ADCY2: variants seen among roughly 807,000 people sequenced by gnomAD.
ADCY2 encodes adenylate cyclase 2.
ADCY2 carries 31 observed loss-of-function variants against 125.2 expected under a neutral mutation model. The ratio of observed to expected loss-of-function variants is 0.25; its 90% CI spans 0.19 to 0.33. The LOEUF (loss-of-function observed/expected upper bound fraction) is 0.33, where lower values mean the gene tolerates loss of function less well. Among genes scored for constraint, ADCY2 ranks in the 10% least tolerant of loss-of-function variants. The pLI, the probability that ADCY2 is intolerant of heterozygous loss-of-function variation, is 1.00. For synonymous variants in ADCY2, 512 were observed against 548.4 expected (o/e 0.93, Z 0.93); for missense variants, 904 against 1,418.2 (o/e 0.64, Z 5.82).
intron 14 of ADCY2, among the ~76,000 whole-genome samples, chr5:7,735,830 A>T (rs376956501): frequency 6.6e-6 from 1 of 152,238 alleles, no homozygotes; most frequent in South Asian, 2.1e-4. Context: ...TACTGGCTTC[A>T]GAACGAGTTA....
At chr5:7,803,692 A>T (rs1311155235) in intron 21 of ADCY2, among the ~76,000 whole-genome samples, 1 of 152,074 alleles carries the variant, frequency 6.6e-6, no homozygotes. Flanking sequence ...TGAGCCCAGG[A>T]GTTTGAGACC....
intron 2 of ADCY2, among the ~76,000 whole-genome samples, chr5:7,439,529 TACACACACACACAC>T (rs66460653): frequency 4.7e-5 from 7 of 148,718 alleles, no homozygotes; most frequent in African/African-American, 1.7e-4. Flanking sequence ...TGGGTTAAGA[TACACACACACACAC>T]ACACACACAC....
chr5:7,481,503 A>G (rs1307520114), intron 2 of ADCY2, among the ~76,000 whole-genome samples: 1 of 151,438 alleles, frequency 6.6e-6, no homozygotes, highest in African/African-American at 2.4e-5. Context: ...TCTTGACCTC[A>G]TGATCCGCTT....
intron 2 of ADCY2, among the ~76,000 whole-genome samples, chr5:7,506,416 C>T (rs1192665621): frequency 6.6e-6 from 1 of 152,136 alleles, no homozygotes; most frequent in Non-Finnish European, 1.5e-5. Context: ...CAAAGATTCC[C>T]TTATCTCCCC....
intron 4 of ADCY2, among the ~76,000 whole-genome samples, chr5:7,646,463 A>G (rs1450641523): frequency 1.3e-5 from 2 of 152,132 alleles, no homozygotes; most frequent in African/African-American, 4.8e-5. Context: ...TATTCATCAA[A>G]GAGGATTATG....
At chr5:7,758,952 C>T (rs529219062) in intron 16 of ADCY2, among the ~76,000 whole-genome samples, 11 of 152,260 alleles carry the variant, frequency 7.2e-5, no homozygotes, top group Non-Finnish European at 1.3e-4. Context: ...CTCCAGGTCA[C>T]GCGAGAGATC....
intron 7 of ADCY2, among the ~76,000 whole-genome samples, chr5:7,703,216 A>G (rs544913381): frequency 0.012 from 1,849 of 152,286 alleles, 29 homozygotes; most frequent in African/African-American, 0.034. Flanking sequence ...TTTGCTGTGC[A>G]GAAGCTCTTT....
chr5:7,598,115 C>A (rs1290498354), intron 3 of ADCY2, among the ~76,000 whole-genome samples: 2 of 152,158 alleles, frequency 1.3e-5, no homozygotes, highest in African/African-American at 4.8e-5. Flanking sequence ...ATGAGAGAGG[C>A]CACCTTTTGC....
rs56801001 is a variant in ADCY2 at position 7,688,274 on chromosome 5, G to GTTT, written c.721-2408_721-2406dup. 2.9e-3 allele frequency among the ~76,000 whole-genome samples: 435 copies of GTTT among 147,822 alleles called. 2 individuals are homozygous for GTTT. Among genetic ancestry groups the GTTT allele is most frequent in the Middle Eastern group, 7.1e-3 (2 of 282 alleles). On this transcript the variant is annotated intron_variant, in intron 4 of 24. Coordinates refer to ENST00000338316, the MANE Select transcript of ADCY2 (RefSeq NM_020546.3). The stretch of plus-strand genomic sequence containing the variant: ...GAGAGATCTCCTGATTTTTTTTGTT[G>GTTT]TTTTTTTTTTTGAGACAGAGTCTCA...
intron 2 of ADCY2, among the ~76,000 whole-genome samples, chr5:7,512,753 G>T (rs778251926): frequency 3.9e-5 from 6 of 152,164 alleles, no homozygotes; most frequent in Non-Finnish European, 7.3e-5. Flanking sequence ...TTAGAGCTGA[G>T]CCAGTGGAGC....
chr5:7,537,966 A>G (rs1376551044), intron 3 of ADCY2, among the ~76,000 whole-genome samples: 1 of 152,120 alleles, frequency 6.6e-6, no homozygotes, highest in Non-Finnish European at 1.5e-5. Flanking sequence ...CACCCACAGA[A>G]AGTCTTTGAT....
At chr5:7,606,853 C>G (rs952915063) in intron 3 of ADCY2, among the ~76,000 whole-genome samples, 1 of 151,842 alleles carries the variant, frequency 6.6e-6, no homozygotes, top group Non-Finnish European at 1.5e-5. Context: ...TTAAATATTC[C>G]TTTAGAAGTT....
Position 7,462,278 on chromosome 5 carries a change from A to G in ADCY2, c.408+47508A>G, listed in dbSNP as rs963556273. On this transcript the variant is annotated intron_variant, in intron 2 of 24. Coordinates refer to ENST00000338316, the MANE Select transcript of ADCY2 (RefSeq NM_020546.3). ...AATAACACTTGGAAGAGAGTCATCA[A>G]TCTCTCAGACTAATTAATGAAAATG... 4.6e-5 allele frequency among the ~76,000 whole-genome samples: 7 copies of G among 152,332 alleles called. No homozygotes were observed. The Middle Eastern group carries it at 0.014, about 296-fold the overall frequency.
In ADCY2 at chr5:7,479,262, C is replaced by T. The variant is rs73737397; in HGVS notation, c.409-41476C>T. 7.9e-3 allele frequency among the ~76,000 whole-genome samples: 1,167 copies of T among 148,632 alleles called. 6 individuals carry two copies. The highest frequency in any genetic ancestry group is 0.031 in the Middle Eastern group (9 of 294). ...TAAGATTATAAATAAACCATGGTGT[C>T]GCAGAAACACTGTACTGGCTCATTC... On this transcript the variant is annotated intron_variant, in intron 2 of 24. Transcript: ENST00000338316.
At chr5:7,560,468 C>G (rs11134241) in intron 3 of ADCY2, among the ~76,000 whole-genome samples, 45,559 of 151,974 alleles carry the variant, frequency 0.3, 7,977 homozygotes, top group Non-Finnish European at 0.4. Flanking sequence ...GGAGAAAATG[C>G]CACTTAAAAT....
intron 11 of ADCY2, among the ~76,000 whole-genome samples, chr5:7,714,547 G>A (rs1741538756): frequency 6.6e-6 from 1 of 152,226 alleles, no homozygotes; most frequent in Non-Finnish European, 1.5e-5. Context: ...AAGAAGCTGA[G>A]GCACAAAGGG....
At chr5:7,579,814 A>G (rs1461317387) in intron 3 of ADCY2, among the ~76,000 whole-genome samples, 1 of 152,244 alleles carries the variant, frequency 6.6e-6, no homozygotes, top group African/African-American at 2.4e-5. Context: ...ATGAGCATGC[A>G]AGAATTTTAA....
intron 23 of ADCY2, among the ~76,000 whole-genome samples, chr5:7,819,992 G>T (rs904993373): frequency 6.6e-6 from 1 of 152,212 alleles, no homozygotes; most frequent in Non-Finnish European, 1.5e-5. Context: ...GGCTGGAACC[G>T]CAGGCCAGTG....
At chr5:7,559,186 A>T (rs1735630096) in intron 3 of ADCY2, among the ~76,000 whole-genome samples, 1 of 152,062 alleles carries the variant, frequency 6.6e-6, no homozygotes, top group African/African-American at 2.4e-5. Flanking sequence ...ATGAATTTTA[A>T]AACAGTTATT....
Sources: gnomAD v4.1 joint callset for allele counts (sites outside exome capture counted in the v4.1 genomes callset) on GRCh38, gnomAD v4.1.1 for gene constraint, MANE v1.5 for transcripts, NCBI Gene and HGNC (gene_info 2026-07-23, HGNC 2026-07-21) for gene names.